The following PRKAG2 variants were observed in gnomAD, a reference collection of about 807,000 sequenced individuals.
PRKAG2 encodes the protein 5'-AMP-activated protein kinase subunit gamma-2.
PRKAG2 carries 26 observed loss-of-function variants against 69.6 expected under a neutral mutation model. The observed-to-expected ratio is 0.37, with a 90% CI of 0.27 to 0.52. The LOEUF (loss-of-function observed/expected upper bound fraction) is 0.52, where lower values mean the gene tolerates loss of function less well. Among genes scored for constraint, PRKAG2 ranks in the 20% least tolerant of loss-of-function variants. The probability of loss-of-function intolerance (pLI) is 0.90; values close to 1 mark genes in which losing one functional copy is unlikely to be tolerated. For synonymous variants in PRKAG2, 293 were observed against 285.0 expected, an observed-to-expected ratio of 1.03 and a Z score of -0.28; for missense variants, 557 against 740.0, an observed-to-expected ratio of 0.75 and a Z score of 2.87.
chr7:151,627,767 A>G (rs531687565), intron 5 of PRKAG2, among the ~76,000 whole-genome samples: 133 of 152,310 alleles, frequency 8.7e-4, no homozygotes, highest in Non-Finnish European at 1.5e-3. Context: ...CGCTCGGGTG[A>G]TCCTCCCACC....
chr7:151,738,802 C>G (rs1335456758), intron 3 of PRKAG2, among the ~76,000 whole-genome samples: 1 of 152,158 alleles, frequency 6.6e-6, no homozygotes, highest in East Asian at 1.9e-4. Flanking sequence ...GGCTGTGAGA[C>G]CCCTGATTTC....
At chr7:151,658,806 C>T (rs927583643) in intron 4 of PRKAG2, among the ~76,000 whole-genome samples, 6 of 152,114 alleles carry the variant, frequency 3.9e-5, no homozygotes, top group Non-Finnish European at 7.4e-5. Context: ...TGTAGACAAA[C>T]GAAAAGCCAG....
chr7:151,637,719 T>TTTC (rs1316776741), intron 4 of PRKAG2, among the ~76,000 whole-genome samples: 1 of 152,020 alleles, frequency 6.6e-6, no homozygotes, highest in African/African-American at 2.4e-5. Context: ...TTTTTTTTTT[T>TTTC]TTTTATAACA....
At chr7:151,686,121 C>G (rs369981505) in intron 3 of PRKAG2, among the ~76,000 whole-genome samples, 1 of 152,044 alleles carries the variant, frequency 6.6e-6, no homozygotes, top group Non-Finnish European at 1.5e-5. Context: ...GGCTTCAGTT[C>G]TCAAACCTGG....
chr7:151,556,744 AT>A lies in PRKAG2; in HGVS notation c.*456del, dbSNP rs1803857765. 1.2e-5 allele frequency: 2 copies of A among 160,110 alleles called. No individual in the cohort carries two copies. The highest frequency in any genetic ancestry group is 2.8e-5 in the Non-Finnish European group (2 of 72,254). The allele number at this position is 160,110 out of a possible 1,614,324, so 9.9% of individuals were successfully genotyped here. On this transcript the variant is annotated 3_prime_UTR_variant, in exon 16 of 16. Coordinates refer to ENST00000287878, the MANE Select transcript of PRKAG2 (RefSeq NM_016203.4). ...TGACAAATCTAAAGAAAACAAACTG[AT>A]TTGGTAAAAGGTTCAAAGACTTCCA...
Position 151,703,911 on chromosome 7 carries a change from A to ACACACACACAC in PRKAG2, c.467-28275_467-28274insGTGTGTGTGTG, listed in dbSNP as rs1563476709. ...ACACACACACACACACACACACACA[A>ACACACACACAC]ATTAGCTAGGCATGGTGGCAGGTGC... On this transcript the variant is annotated intron_variant, in intron 3 of 15. Transcript: ENST00000287878. Among the ~76,000 whole-genome samples the ACACACACACAC allele has an allele frequency of 2.0e-4, 21 of 103,712 alleles. No homozygotes were observed. The South Asian group carries it at 2.1e-3, about 11-fold the overall frequency. The allele number at this position is 103,712 out of a possible 152,430, so 68.0% of individuals were successfully genotyped here. A position where few individuals can be genotyped will look rare whatever the true frequency, so the allele number is the denominator to read the frequency against.
chr7:151,588,301 G>A (rs7811554), intron 6 of PRKAG2, among the ~76,000 whole-genome samples: 27,452 of 151,690 alleles, frequency 0.18, 2,893 homozygotes, highest in African/African-American at 0.29. Flanking sequence ...GGAGGTAACT[G>A]AATCATGGGG....
rs7805747 is a variant in PRKAG2, at chr7:151,710,715, G to A, written c.467-35078C>T. ...CAGCTTCATTTTTCTCTCTTCACTT[G>A]TCACTATCCGCCCAGATACACACAT... On this transcript the variant is annotated intron_variant, in intron 3 of 15. Coordinates refer to ENST00000287878, the MANE Select transcript of PRKAG2 (RefSeq NM_016203.4). 0.26 allele frequency among the ~76,000 whole-genome samples: 39,334 copies of A among 152,088 alleles called. 5,497 individuals are homozygous for A. The highest frequency in any genetic ancestry group is 0.31 in the African/African-American group (12,894 of 41,452).
Position 151,638,848 on chromosome 7 carries a change from A to G in PRKAG2, c.685-6710T>C, listed in dbSNP as rs547341474. ...CTTAAATAGCTCCTGCAAGAAATAA[A>G]TCAACCTCAAATACTGGGTAAGGAG... On this transcript the variant is annotated intron_variant, in intron 4 of 15. Transcript: ENST00000287878. The surrounding 1 kb of genome is among the most constrained non-coding windows in gnomAD (Gnocchi z 4.3). 6.6e-6 allele frequency among the ~76,000 whole-genome samples: 1 copy of G among 152,188 alleles called. No individual in the cohort carries two copies. The highest frequency in any genetic ancestry group is 1.9e-4 in the East Asian group (1 of 5,204).
At chr7:151,686,744 C>CT (rs2151512704) in intron 3 of PRKAG2, among the ~76,000 whole-genome samples, 1 of 152,332 alleles carries the variant, frequency 6.6e-6, no homozygotes, top group South Asian at 2.1e-4. Context: ...GGCCCTGGCC[C>CT]TAGCTGAGCT....
intron 3 of PRKAG2, among the ~76,000 whole-genome samples, chr7:151,748,984 G>A (rs1289792897): frequency 6.8e-6 from 1 of 146,116 alleles, no homozygotes; most frequent in Non-Finnish European, 1.5e-5. Context: ...TAGGCAACAT[G>A]GGGCTGGCCT....
At chr7:151,709,062 T>C (rs1327474215) in intron 3 of PRKAG2, among the ~76,000 whole-genome samples, 5 of 152,080 alleles carry the variant, frequency 3.3e-5, no homozygotes, top group East Asian at 1.9e-4. Context: ...GTGCATGACA[T>C]TGAGTGACGT....
intron 1 of PRKAG2, among the ~76,000 whole-genome samples, chr7:151,874,368 T>C (rs1477370124): frequency 2.7e-5 from 2 of 75,260 alleles, no homozygotes; most frequent in African/African-American, 9.7e-5. Context: ...TATATGTATA[T>C]GTATATGATG....
In PRKAG2 at chr7:151,807,496, C is replaced by A. The variant is rs116345463; in HGVS notation, c.115-20955G>T. 2.2e-6 allele frequency: 1 copy of A among 457,866 alleles called. No homozygotes were observed. The highest frequency in any genetic ancestry group is 4.4e-6 in the Non-Finnish European group (1 of 226,982). The allele number at this position is 457,866 out of a possible 1,614,324, so 28.4% of individuals were successfully genotyped here. ...CCATGGCGTGTTACACCTATCAGATCGGGCACACTGCCCCTTCTTCCCAAC... is the reference window on the plus strand; with the variant it reads ...CCATGGCGTGTTACACCTATCAGATAGGGCACACTGCCCCTTCTTCCCAAC... On this transcript the variant is annotated intron_variant, in intron 1 of 15. Transcript: ENST00000287878. This position sits in a 1 kb window ranked among gnomAD's most constrained non-coding sequence, Gnocchi z 4.4.
intron 3 of PRKAG2, among the ~76,000 whole-genome samples, chr7:151,702,290 G>C (rs1105946): frequency 6.6e-6 from 1 of 152,110 alleles, no homozygotes; most frequent in African/African-American, 2.4e-5. Context: ...CCCTAGTGCC[G>C]GTCCCCCAAA....
chr7:151,737,335 C>T (rs999621889), intron 3 of PRKAG2, among the ~76,000 whole-genome samples: 2 of 123,952 alleles, frequency 1.6e-5, no homozygotes, highest in African/African-American at 6.5e-5. Context: ...GTGAGACCCC[C>T]ATCTCTATTA....
At chr7:151,714,253 G>A (rs1445498561) in intron 3 of PRKAG2, among the ~76,000 whole-genome samples, 1 of 152,186 alleles carries the variant, frequency 6.6e-6, no homozygotes, top group African/African-American at 2.4e-5. Flanking sequence ...CCTAACTTAC[G>A]TTTGACTTCT....
intron 1 of PRKAG2, among the ~76,000 whole-genome samples, chr7:151,841,385 T>C (rs562612404): frequency 1.3e-5 from 2 of 151,424 alleles, no homozygotes; most frequent in South Asian, 4.2e-4. Flanking sequence ...TAGGTAATGA[T>C]GGTAGTGATA....
intron 5 of PRKAG2, among the ~76,000 whole-genome samples, chr7:151,596,412 A>T (rs1212822047): frequency 6.6e-6 from 1 of 152,226 alleles, no homozygotes; most frequent in African/African-American, 2.4e-5. Context: ...TTAACTCAGG[A>T]GGTGAAAGAC....
Sources: gnomAD v4.1 joint callset for allele counts (sites outside exome capture counted in the v4.1 genomes callset) on GRCh38, gnomAD v4.1.1 for gene constraint, Gnocchi (gnomAD v3.1) non-coding constraint, MANE v1.5 for transcripts, NCBI Gene and HGNC (gene_info 2026-07-23, HGNC 2026-07-21) for gene names.